The following SVEP1 variants were observed in gnomAD, a reference collection of about 807,000 sequenced individuals.
SVEP1 encodes the protein sushi, von Willebrand factor type A, EGF and pentraxin domain containing 1.
SVEP1 carries 164 observed loss-of-function variants against 367.3 expected under a neutral mutation model. The observed-to-expected ratio is 0.45, with a 90% CI of 0.39 to 0.51. SVEP1 has a LOEUF of 0.51. SVEP1 is among the 20% of genes least tolerant of loss of function. The probability of loss-of-function intolerance (pLI) is 0.00; values close to 1 mark genes in which losing one functional copy is unlikely to be tolerated. For synonymous variants in SVEP1, 1,666 were observed against 1,611.6 expected (o/e 1.03, Z -0.81); for missense variants, 4,117 against 4,425.3 (o/e 0.93, Z 1.98).
Position 110,407,424 on chromosome 9 carries a change from C to T in SVEP1, c.8176G>A (p.Gly2726Ser), listed in dbSNP as rs759696485. 1 of 1,614,024 alleles carries T rather than the reference C, an allele frequency of 6.2e-7. No individual in the cohort carries two copies. Among genetic ancestry groups the T allele is most frequent in the Non-Finnish European group, 8.5e-7 (1 of 1,179,904 alleles). The change falls in exon 38 of 48, where the codon GGC (glycine) becomes AGC (serine). Residue 2726 changes from glycine (G) to serine (S), a missense_variant. Transcript: ENST00000374469. ...CTAGTCTCTGTAAAACGCAAAAAGC[C>T]ATTTTCAGGAGCAGTAGGCAAGTCA... ...ECDLPTAPEN[G>S]FLRFTETSMG...
At chr9:110,434,685 A>AAAAAAAAAAAAAAAAAAAAAAAAC (rs1828406625) in intron 29 of SVEP1, among the ~76,000 whole-genome samples, 179 bp from the exon 30 acceptor site, 1 of 150,716 alleles carries the variant, frequency 6.6e-6, no homozygotes, top group Non-Finnish European at 1.5e-5. Flanking sequence ...AAAAAAAAAA[A>AAAAAAAAAAAAAAAAAAAAAAAAC]AGCATTTAAG....
In SVEP1 at chr9:110,457,845, G is replaced by A. The variant is rs186826044; in HGVS notation, c.3577-493C>T. Among the ~76,000 whole-genome samples, 3 of 152,250 alleles carry A rather than the reference G, an allele frequency of 2.0e-5. No individual in the cohort carries two copies. The East Asian group carries it at 5.8e-4, about 29-fold the overall frequency. On this transcript the variant is annotated intron_variant, in intron 20 of 47. Coordinates refer to ENST00000374469, the MANE Select transcript of SVEP1 (RefSeq NM_153366.4). ...TCATTATGTTTGGACTAGGCTGTAG[G>A]AAGTTGTAATCAGAAAAATATCCCC... is the stretch of plus-strand genomic sequence containing the variant.
In SVEP1 at chr9:110,411,770, C is replaced by T. The variant is rs770214002; in HGVS notation, c.5976-35G>A. The T allele has an allele frequency of 3.5e-6, 5 of 1,449,058 alleles. No individual in the cohort carries two copies. The East Asian group carries it at 1.3e-4, about 37-fold the overall frequency. The allele number at this position is 1,449,058 out of a possible 1,614,324, so 89.8% of individuals were successfully genotyped here. On this transcript the variant is annotated intron_variant, in intron 36 of 47. Transcript: ENST00000374469. Reference sequence around the variant, plus strand: ...TGGGAAGAAAGAAAGAATAACTAAGCATAATATTTGAGAAAAAGTGTTTGT... The same window carrying T: ...TGGGAAGAAAGAAAGAATAACTAAGTATAATATTTGAGAAAAAGTGTTTGT...
chr9:110,547,463 T>C (rs1203556649), intron 2 of SVEP1, among the ~76,000 whole-genome samples: 2 of 152,114 alleles, frequency 1.3e-5, no homozygotes, highest in African/African-American at 2.4e-5. Flanking sequence ...TTGTCCCAGA[T>C]ACTTGGAAGA....
chr9:110,471,921 C>T lies in SVEP1; in HGVS notation c.2764+238G>A, dbSNP rs542071471. 4.6e-5 allele frequency among the ~76,000 whole-genome samples: 7 copies of T among 152,100 alleles called. No homozygotes were observed. In the South Asian group the frequency reaches 1.0e-3, roughly 23 times the overall value. ...CCTGTAAATTCTTGCATTTTAAAAG[C>T]GCACCTTAATCATGCCAAGATGAGA... On this transcript the variant is annotated intron_variant, in intron 15 of 47. Transcript: ENST00000374469.
At chr9:110,392,468 C>G (rs2118977934) in intron 40 of SVEP1, among the ~76,000 whole-genome samples, 1 of 152,202 alleles carries the variant, frequency 6.6e-6, no homozygotes, top group South Asian at 2.1e-4. Flanking sequence ...TGGGGTTGTT[C>G]ACCCATCCAG....
At chr9:110,443,413 G>A in intron 27 of SVEP1, 132 bp downstream of exon 27, 2 of 839,060 alleles carry the variant, frequency 2.4e-6, no homozygotes. Flanking sequence ...TAATCAGGGA[G>A]TAGGAAATAA....
intron 7 of SVEP1, 43 bp downstream of exon 7, chr9:110,498,998 A>G (rs2118745861): frequency 6.4e-7 from 1 of 1,563,876 alleles, no homozygotes; most frequent in East Asian, 2.3e-5. Context: ...ATATGGCAAT[A>G]TTAAAAAATT....
At chr9:110,443,435 G>A (rs1461229381) in intron 27 of SVEP1, 110 bp downstream of exon 27, 7 of 1,011,874 alleles carry the variant, frequency 6.9e-6, no homozygotes, top group East Asian at 6.3e-5. Flanking sequence ...AGAGATAGCT[G>A]TTAATCTTTG....
chr9:110,536,409 GGCAAAGACTTT>G (rs919803514), intron 3 of SVEP1, among the ~76,000 whole-genome samples: 1 of 151,880 alleles, frequency 6.6e-6, no homozygotes, highest in Non-Finnish European at 1.5e-5. Flanking sequence ...ATGTATGTAA[GGCAAAGACTTT>G]GCAAGTGGCA....
rs565136806 is a variant in SVEP1, at chr9:110,448,463, G to A, written c.4104-1406C>T. 5.9e-5 allele frequency among the ~76,000 whole-genome samples: 9 copies of A among 152,310 alleles called. 1 individual carries two copies. The South Asian group carries it at 1.4e-3, about 25-fold the overall frequency. The stretch of plus-strand genomic sequence containing the variant: ...CTAATAGGAATAACTGGTGTTTGGA[G>A]GATGTAAACAAAATCTCAGTTGGAA... On this transcript the variant is annotated intron_variant, in intron 24 of 47. Transcript: ENST00000374469.
rs1457786240 is a variant in SVEP1 at position 110,579,258 on chromosome 9, C to T, written c.286G>A (p.Glu96Lys). The T allele has an allele frequency of 1.9e-6, 3 of 1,571,024 alleles. No homozygotes were observed. Among genetic ancestry groups the T allele is most frequent in the East Asian group, 2.4e-5 (1 of 42,262 alleles). ...FLVDDSSSVG[E>K]VNFRSELMFV... ...ATGAGCTCGCTGCGGAAGTTGACTTCGCCCACGCTGGACGAATCATCCACC... is the reference window on the plus strand; with the variant it reads ...ATGAGCTCGCTGCGGAAGTTGACTTTGCCCACGCTGGACGAATCATCCACC... Residue 96 changes from glutamate to lysine, a missense_variant, in exon 1 of 48, where the codon GAA (glutamate) becomes AAA (lysine). By Grantham distance (56) the Glu-to-Lys change is moderately conservative. Around this residue, in one of 4 missense-constraint regions of SVEP1, gnomAD observed 161 missense variants for 122.4 expected, o/e 1.32. Transcript: ENST00000374469. The surrounding 1 kb of genome is among the most constrained non-coding windows in gnomAD (Gnocchi z 5.3).
At chr9:110,459,406 T>C (rs1359266238) in intron 18 of SVEP1, among the ~76,000 whole-genome samples, 1 of 152,204 alleles carries the variant, frequency 6.6e-6, no homozygotes, top group Non-Finnish European at 1.5e-5. Context: ...CCCCAGATTA[T>C]TGAATAGTAT....
chr9:110,437,187 T>A (rs79906197), intron 27 of SVEP1, among the ~76,000 whole-genome samples: 5 of 152,014 alleles, frequency 3.3e-5, no homozygotes, highest in African/African-American at 9.7e-5. Flanking sequence ...CAGCATGAGA[T>A]AAGAAAAAGG....
chr9:110,566,744 C>T (rs1444964268), intron 1 of SVEP1, among the ~76,000 whole-genome samples: 3 of 152,144 alleles, frequency 2.0e-5, no homozygotes, highest in Admixed American at 6.5e-5. Context: ...TTGAGGAGAA[C>T]ATTACAGGAG....
intron 47 of SVEP1, among the ~76,000 whole-genome samples, 158 bp from the exon 48 acceptor site, chr9:110,366,718 A>C (rs1354803248): frequency 2.6e-5 from 4 of 152,212 alleles, no homozygotes; most frequent in Non-Finnish European, 5.9e-5. Flanking sequence ...TCTTTGAGAT[A>C]ACTAAGAGGC....
chr9:110,451,547 T>A, intron 22 of SVEP1, 145 bp from the exon 23 acceptor site: 2 of 568,520 alleles, frequency 3.5e-6, no homozygotes, highest in Non-Finnish European at 6.0e-6. Flanking sequence ...TGAAATAAAA[T>A]GTTTCTTCTA....
At chr9:110,514,221 G>A (rs2118778899) in intron 3 of SVEP1, 115 bp from the exon 4 acceptor site, 1 of 1,375,510 alleles carries the variant, frequency 7.3e-7, no homozygotes, top group Non-Finnish European at 1.0e-6. Context: ...CCATAGAAAT[G>A]GTGATGTAGG....
At chr9:110,540,717 C>A (rs1830133766) in intron 3 of SVEP1, among the ~76,000 whole-genome samples, 1 of 152,164 alleles carries the variant, frequency 6.6e-6, no homozygotes, top group African/African-American at 2.4e-5. Flanking sequence ...AACTCTTTGA[C>A]AGACTATTAC....
Sources: allele counts gnomAD v4.1 joint callset (sites outside exome capture counted in the v4.1 genomes callset), GRCh38; gene constraint gnomAD v4.1.1; regional missense constraint gnomAD v4.1.1; non-coding constraint Gnocchi (gnomAD v3.1); transcripts MANE v1.5; gene names NCBI Gene and HGNC (gene_info 2026-07-23, HGNC 2026-07-21).